Variants in TOLLIP observed in about 807,000 individuals in gnomAD.
TOLLIP encodes the protein toll-interacting protein.
In TOLLIP, 16 loss-of-function variants were observed where a neutral mutation model predicts 33.5. The ratio of observed to expected loss-of-function variants is 0.48; its 90% CI spans 0.32 to 0.72. TOLLIP has a LOEUF of 0.72. TOLLIP is among the 30% of genes least tolerant of loss of function. The probability of loss-of-function intolerance (pLI) is 0.03; values close to 1 mark genes in which losing one functional copy is unlikely to be tolerated. For missense variants in TOLLIP, 325 were observed against 396.6 expected, an observed-to-expected ratio of 0.82 and a Z score of 1.53; for synonymous variants, 176 against 163.7, an observed-to-expected ratio of 1.07 and a Z score of -0.57.
chr11:1,288,654 C>T lies in TOLLIP; in HGVS notation c.489G>A (p.Glu163=), dbSNP rs1246981122. ...AGGACATGACGAGGTTGATCATGCCCTCCTTGTCGTCCCCCTGCCTCCCGC... is the reference window on the plus strand; with the variant it reads ...AGGACATGACGAGGTTGATCATGCCTTCCTTGTCGTCCCCCTGCCTCCCGC... ...SLSGRQGDDK[E]GMINLVMSYA... is the part of the protein sequence containing the mutation. The change falls in exon 4 of 6, where the codon GAG becomes GAA. Residue 163 remains glutamate (E), a synonymous_variant. Transcript: ENST00000317204. 3 of 1,612,678 alleles carry T rather than the reference C, an allele frequency of 1.9e-6. No homozygotes were observed. The highest frequency in any genetic ancestry group is 1.7e-6 in the Non-Finnish European group (2 of 1,179,798).
chr11:1,290,398 GGCCAACTT>G lies in TOLLIP; in HGVS notation c.187_194del (p.Lys63GlnfsTer37). On this transcript the variant is annotated frameshift_variant, in exon 3 of 6. Coordinates refer to ENST00000317204, the MANE Select transcript of TOLLIP (RefSeq NM_019009.4). LOFTEE classifies it high-confidence loss of function. The surrounding 1 kb of genome is among the most constrained non-coding windows in gnomAD (Gnocchi z 4.9). ...CCATGCGGGTCATGCCGTAATTCTTGGCCAACTTTGCCTGGAATGAAGCCAATGTCAGG... is the reference window on the plus strand; with the variant it reads ...CCATGCGGGTCATGCCGTAATTCTTGTGCCTGGAATGAAGCCAATGTCAGG... 6.2e-7 allele frequency: 1 copy of G among 1,610,960 alleles called. No individual in the cohort carries two copies. The highest frequency in any genetic ancestry group is 1.1e-5 in the South Asian group (1 of 91,052).
rs2133871412 is a variant in TOLLIP at position 1,276,220 on chromosome 11, C to G, written c.*819G>C. On this transcript the variant is annotated 3_prime_UTR_variant, in exon 6 of 6. Coordinates refer to ENST00000317204, the MANE Select transcript of TOLLIP (RefSeq NM_019009.4). The stretch of plus-strand genomic sequence containing the variant: ...GTGCTGCCTCTATCACCTCTCACCC[C>G]AGCCTCGCAAGGCCTGTTGAGAAGA... 5.7e-6 allele frequency: 1 copy of G among 176,442 alleles called. No individual in the cohort carries two copies. The highest frequency in any genetic ancestry group is 1.5e-4 in the East Asian group (1 of 6,620). The allele number at this position is 176,442 out of a possible 1,614,324, so 10.9% of individuals were successfully genotyped here. A position where few individuals can be genotyped will look rare whatever the true frequency, so the allele number is the denominator to read the frequency against.
chr11:1,308,881 TG>T (rs374561701), intron 1 of TOLLIP, among the ~76,000 whole-genome samples: 86 of 7,772 alleles, frequency 0.011, no homozygotes, highest in Middle Eastern at 0.056. Context: ...CGCCTCCACC[TG>T]GGGGGGCCAT....
rs1015561579 is a variant in TOLLIP, at chr11:1,276,932, C to A, written c.*107G>T. 9.5e-6 allele frequency: 15 copies of A among 1,574,370 alleles called. No homozygotes were observed. Among genetic ancestry groups the A allele is most frequent in the East Asian group, 2.3e-5 (1 of 44,230 alleles). On this transcript the variant is annotated 3_prime_UTR_variant, in exon 6 of 6. Transcript: ENST00000317204. ...CGGCACAGAAGTCCACGGGAGGGGG[C>A]GACACGGGTGCTCTTTCACGGGAAT... is the stretch of plus-strand genomic sequence containing the variant.
chr11:1,288,287 C>A (rs952949028), intron 4 of TOLLIP, among the ~76,000 whole-genome samples: 3 of 152,192 alleles, frequency 2.0e-5, no homozygotes, highest in Non-Finnish European at 2.9e-5. Context: ...CTCAGCTGGA[C>A]CCTAAGGGCA....
rs758413376 is a variant in TOLLIP at position 1,290,224 on chromosome 11, C to T, written c.366+3G>A. 6.2e-7 allele frequency: 1 copy of T among 1,612,736 alleles called. No homozygotes were observed. The highest frequency in any genetic ancestry group is 2.2e-5 in the East Asian group (1 of 44,866). On this transcript the variant is annotated splice_donor_region_variant and intron_variant, in intron 3 of 5. Transcript: ENST00000317204. This position sits in a 1 kb window ranked among gnomAD's most constrained non-coding sequence, Gnocchi z 4.9. Reference sequence around the variant, plus strand: ...TCCATAATAGCTGGCACGTCCCTCTCACCTCATCGAAGATCTCGAGATAGA... The same window carrying T: ...TCCATAATAGCTGGCACGTCCCTCTTACCTCATCGAAGATCTCGAGATAGA...
intron 2 of TOLLIP, chr11:1,292,185 C>T (rs12294518): frequency 0.062 from 9,449 of 152,316 alleles, 339 homozygotes; most frequent in Admixed American, 0.11. Flanking sequence ...CACACCCACA[C>T]ATCTGCTAGA....
In TOLLIP at chr11:1,277,260, G is replaced by A. The variant is rs773710266; in HGVS notation, c.611-7C>T. On this transcript the variant is annotated splice_region_variant and splice_polypyrimidine_tract_variant and intron_variant, in intron 5 of 5. Transcript: ENST00000317204. The surrounding 1 kb of genome is among the most constrained non-coding windows in gnomAD (Gnocchi z 4.2). ...CTACAGACAGCGGGCATCCCTGGAA[G>A]CAAAGATCAAGTTTGGTAAAAACGT... 2 of 1,536,674 alleles carry A rather than the reference G, an allele frequency of 1.3e-6. No individual in the cohort carries two copies. Among genetic ancestry groups the A allele is most frequent in the Admixed American group, 2.0e-5 (1 of 49,246 alleles).
At chr11:1,283,778 A>T (rs1411979110) in intron 5 of TOLLIP, among the ~76,000 whole-genome samples, 1 of 152,196 alleles carries the variant, frequency 6.6e-6, no homozygotes, top group East Asian at 1.9e-4. Flanking sequence ...TATCCAGTTG[A>T]TGGAACTGCA....
intron 1 of TOLLIP, among the ~76,000 whole-genome samples, chr11:1,298,969 C>T (rs888752102): frequency 2.0e-5 from 3 of 152,210 alleles, no homozygotes; most frequent in African/African-American, 4.8e-5. Context: ...GATGGCTAAA[C>T]GCAAGGCAGG....
chr11:1,290,206 T>G lies in TOLLIP; in HGVS notation c.366+21A>C. On this transcript the variant is annotated intron_variant, in intron 3 of 5. Coordinates refer to ENST00000317204, the MANE Select transcript of TOLLIP (RefSeq NM_019009.4). This position sits in a 1 kb window ranked among gnomAD's most constrained non-coding sequence, Gnocchi z 4.9. Reference sequence around the variant, plus strand: ...GCTCAGCCACGTGCAGCCTCCATAATAGCTGGCACGTCCCTCTCACCTCAT... The same window carrying G: ...GCTCAGCCACGTGCAGCCTCCATAAGAGCTGGCACGTCCCTCTCACCTCAT... The G allele has an allele frequency of 6.2e-7, 1 of 1,608,392 alleles. No individual in the cohort carries two copies. The highest frequency in any genetic ancestry group is 8.5e-7 in the Non-Finnish European group (1 of 1,176,322).
intron 5 of TOLLIP, among the ~76,000 whole-genome samples, chr11:1,279,421 G>A (rs895010616): frequency 3.9e-5 from 6 of 152,324 alleles, no homozygotes; most frequent in South Asian, 2.1e-4. Context: ...AACGGTGAGC[G>A]TATGTGTCAA....
At chr11:1,280,628 C>T (rs142300746) in intron 5 of TOLLIP, among the ~76,000 whole-genome samples, 1 of 152,114 alleles carries the variant, frequency 6.6e-6, no homozygotes, top group South Asian at 2.1e-4. Flanking sequence ...AGAATGAGCT[C>T]ATGCACACCC....
intron 5 of TOLLIP, among the ~76,000 whole-genome samples, chr11:1,280,778 G>A (rs1439619225): frequency 6.6e-6 from 1 of 152,152 alleles, no homozygotes; most frequent in Non-Finnish European, 1.5e-5. Context: ...GGACAGCGCG[G>A]CCGGCACCAC....
intron 1 of TOLLIP, among the ~76,000 whole-genome samples, chr11:1,309,153 A>AT (rs1244520897): frequency 6.8e-6 from 1 of 148,056 alleles, no homozygotes; most frequent in Admixed American, 6.7e-5. Flanking sequence ...CTGGGGCACC[A>AT]TGGGGCACGG....
Position 1,295,647 on chromosome 11 carries a change from G to T in TOLLIP, c.181C>A (p.Gln61Lys). 2 of 1,571,756 alleles carry T rather than the reference G, an allele frequency of 1.3e-6. No homozygotes were observed. The highest frequency in any genetic ancestry group is 1.7e-5 in the Admixed American group (1 of 57,516). ...TVGRLNITVV[Q>K]AKLAKNYGMT... ...CAGGAGGGTGCCCCAAGGCCCACCT[G>T]TACCACCGTGATGTTCAGTCGGCCC... Residue 61 changes from glutamine to lysine, a missense_variant and splice_region_variant, in exon 2 of 6, where the codon CAG (glutamine) becomes AAG (lysine). Transcript: ENST00000317204.
Position 1,290,550 on chromosome 11 carries a change from C to T in TOLLIP, c.184-141G>A, listed in dbSNP as rs1863901321. The T allele has an allele frequency of 3.1e-5, 22 of 710,868 alleles. No individual in the cohort carries two copies. Among genetic ancestry groups the T allele is most frequent in the Admixed American group, 1.1e-4 (4 of 36,178 alleles). 44.0% of individuals were successfully genotyped at this position (710,868 alleles called of 1,614,324 possible). On this transcript the variant is annotated intron_variant, in intron 2 of 5. Transcript: ENST00000317204. The surrounding 1 kb of genome is among the most constrained non-coding windows in gnomAD (Gnocchi z 4.9). ...ACAGCCACTCAGAGTCGCCTGAACA[C>T]GGCTGTGACCTGCTTCCCAGGAGGC...
rs1015561579 is a variant in TOLLIP, at chr11:1,276,932, C to T, written c.*107G>A. 1.9e-6 allele frequency: 3 copies of T among 1,574,252 alleles called. No individual in the cohort carries two copies. The highest frequency in any genetic ancestry group is 1.3e-5 in the African/African-American group (1 of 74,250). ...CGGCACAGAAGTCCACGGGAGGGGG[C>T]GACACGGGTGCTCTTTCACGGGAAT... On this transcript the variant is annotated 3_prime_UTR_variant, in exon 6 of 6. Transcript: ENST00000317204.
Position 1,282,546 on chromosome 11 carries a change from G to A in TOLLIP, c.610+3456C>T, listed in dbSNP as rs116033108. On this transcript the variant is annotated intron_variant, in intron 5 of 5. Transcript: ENST00000317204. Reference sequence around the variant, plus strand: ...TGTTAAATGATGAGTCAATGGGTCCGGCACACCAACATGGCACACGGATAC... The same window carrying A: ...TGTTAAATGATGAGTCAATGGGTCCAGCACACCAACATGGCACACGGATAC... Among the ~76,000 whole-genome samples, 345 of 131,070 alleles carry A rather than the reference G, an allele frequency of 2.6e-3. 5 individuals carry two copies. Among genetic ancestry groups the A allele is most frequent in the African/African-American group, 9.3e-3 (319 of 34,468 alleles). 86.0% of individuals were successfully genotyped at this position (131,070 alleles called of 152,430 possible). A position where few individuals can be genotyped will look rare whatever the true frequency, so the allele number is the denominator to read the frequency against.
Sources: gnomAD v4.1 joint callset for allele counts (sites outside exome capture counted in the v4.1 genomes callset) on GRCh38, gnomAD v4.1.1 for gene constraint, Gnocchi (gnomAD v3.1) non-coding constraint, MANE v1.5 for transcripts, NCBI Gene and HGNC (gene_info 2026-07-23, HGNC 2026-07-21) for gene names.